The following IL1RAPL2 variants were observed in gnomAD, a reference collection of about 807,000 sequenced individuals.
The protein encoded by IL1RAPL2 is X-linked interleukin-1 receptor accessory protein-like 2.
In IL1RAPL2, 3 loss-of-function variants were observed where a neutral mutation model predicts 44.1. The observed-to-expected ratio is 0.07, with a 90% CI of 0.03 to 0.18. IL1RAPL2 has a LOEUF of 0.18. Ranked by LOEUF, IL1RAPL2 falls within the 10% of genes least tolerant of loss-of-function variation. IL1RAPL2 has a pLI of 1.00. For missense variants in IL1RAPL2, 391 were observed against 496.4 expected (o/e 0.79, Z 2.02); for synonymous variants, 181 against 178.8 (o/e 1.01, Z -0.10).
chrX:104,715,526 T>C (rs1336287041), intron 2 of IL1RAPL2, among the ~76,000 whole-genome samples: 7 of 108,804 alleles, frequency 6.4e-5, no homozygotes, highest in African/African-American at 2.0e-4. Flanking sequence ...TGTCTTCTGA[T>C]AGTTTGTCTT....
chrX:105,197,045 C>G (rs782201046), intron 3 of IL1RAPL2, among the ~76,000 whole-genome samples: 3 of 111,316 alleles, frequency 2.7e-5, no homozygotes, highest in East Asian at 5.6e-4. Flanking sequence ...AAATAGAGAG[C>G]CTTCTGGATG....
intron 2 of IL1RAPL2, among the ~76,000 whole-genome samples, chrX:105,033,217 A>G (rs931665080): frequency 1.1e-4 from 12 of 111,564 alleles, no homozygotes; most frequent in Non-Finnish European, 1.9e-4. Flanking sequence ...CATTTAGCCC[A>G]TTTACCTTTA....
intron 2 of IL1RAPL2, among the ~76,000 whole-genome samples, chrX:104,981,797 C>T (rs1380364975): frequency 2.7e-5 from 3 of 111,066 alleles, no homozygotes; most frequent in African/African-American, 9.8e-5. Flanking sequence ...AGGATGTTGG[C>T]TTTTATTGAA....
chrX:105,162,114 A>AT (rs1224925113), intron 2 of IL1RAPL2, among the ~76,000 whole-genome samples: 1 of 112,329 alleles, frequency 8.9e-6, no homozygotes, highest in African/African-American at 3.2e-5. Flanking sequence ...CTTACGCTAC[A>AT]ATGGCAAGAG....
intron 2 of IL1RAPL2, among the ~76,000 whole-genome samples, chrX:104,857,976 C>T (rs1463599986): frequency 9.0e-6 from 1 of 111,401 alleles, no homozygotes; most frequent in Non-Finnish European, 1.9e-5. Context: ...AATACCCTCA[C>T]CTTGATATTG....
At chrX:104,989,770 A>G (rs2030627749) in intron 2 of IL1RAPL2, among the ~76,000 whole-genome samples, 1 of 111,487 alleles carries the variant, frequency 9.0e-6, no homozygotes, top group Non-Finnish European at 1.9e-5. Context: ...TATTTCCCAA[A>G]CCATTTCAGA....
chrX:104,753,832 A>C (rs1283527720), intron 2 of IL1RAPL2, among the ~76,000 whole-genome samples: 2 of 111,762 alleles, frequency 1.8e-5, no homozygotes, highest in Non-Finnish European at 1.9e-5. Flanking sequence ...TTTCATATGC[A>C]TATATATGCA....
At chrX:104,585,240 AATATATG>A (rs1242961644) in intron 1 of IL1RAPL2, among the ~76,000 whole-genome samples, 1 of 44,004 alleles carries the variant, frequency 2.3e-5, no homozygotes, top group Non-Finnish European at 3.6e-5. Context: ...GTATATATAT[AATATATG>A]ATATATAATA....
intron 4 of IL1RAPL2, among the ~76,000 whole-genome samples, chrX:105,247,985 C>T (rs193262280): frequency 3.6e-5 from 4 of 111,166 alleles, no homozygotes. Flanking sequence ...TTCCCCATCA[C>T]ACACAACCGT....
At chrX:105,541,443 G>A (rs891355328) in intron 6 of IL1RAPL2, among the ~76,000 whole-genome samples, 3 of 111,413 alleles carry the variant, frequency 2.7e-5, no homozygotes, top group African/African-American at 9.8e-5. Context: ...AGTACAGATT[G>A]TCTTTGAAGA....
chrX:105,005,374 C>T (rs2030923555), intron 2 of IL1RAPL2, among the ~76,000 whole-genome samples: 1 of 111,343 alleles, frequency 9.0e-6, no homozygotes, highest in South Asian at 3.7e-4. Flanking sequence ...ATAGATATAT[C>T]TATGCACCAT....
intron 5 of IL1RAPL2, among the ~76,000 whole-genome samples, chrX:105,334,570 A>G (rs945174590): frequency 5.4e-5 from 6 of 112,126 alleles, no homozygotes; most frequent in Non-Finnish European, 9.4e-5. Flanking sequence ...CCCATGCTCC[A>G]TGATGTGATT....
intron 2 of IL1RAPL2, among the ~76,000 whole-genome samples, chrX:105,009,692 A>G (rs1232466362): frequency 9.1e-6 from 1 of 109,623 alleles, no homozygotes; most frequent in Admixed American, 9.7e-5. Flanking sequence ...TGGCACATGT[A>G]TACATATGTA....
intron 3 of IL1RAPL2, among the ~76,000 whole-genome samples, chrX:105,206,704 G>A (rs1212652769): frequency 1.8e-5 from 2 of 111,967 alleles, no homozygotes; most frequent in Non-Finnish European, 3.8e-5. Flanking sequence ...GAAAAGTGAT[G>A]ATTAAGTTAA....
At chrX:105,580,498 A>C (rs1337762081) in intron 6 of IL1RAPL2, among the ~76,000 whole-genome samples, 1 of 109,935 alleles carries the variant, frequency 9.1e-6, no homozygotes, top group Non-Finnish European at 1.9e-5. Flanking sequence ...ACCTTGACTC[A>C]CTTATCAACC....
chrX:105,583,429 C>T (rs930905893), intron 6 of IL1RAPL2, among the ~76,000 whole-genome samples: 4 of 111,691 alleles, frequency 3.6e-5, no homozygotes, highest in African/African-American at 9.7e-5. Flanking sequence ...CTACGGCGCC[C>T]GGCCAAGAAT....
intron 4 of IL1RAPL2, among the ~76,000 whole-genome samples, chrX:105,257,871 C>T (rs948884466): frequency 1.8e-5 from 2 of 111,423 alleles, no homozygotes; most frequent in Non-Finnish European, 3.8e-5. Context: ...TTGGGTCTTG[C>T]GTTTTTATCC....
intron 2 of IL1RAPL2, among the ~76,000 whole-genome samples, chrX:104,897,634 T>C (rs1231437357): frequency 8.9e-6 from 1 of 112,398 alleles, no homozygotes; most frequent in Non-Finnish European, 1.9e-5. Context: ...AGCAGGATGC[T>C]TCTTATGTTT....
At position 105,245,335 on chromosome X, in the gene IL1RAPL2, A is replaced by G. The variant is rs2034209631; in HGVS notation, c.543+11331A>G. Among the ~76,000 whole-genome samples, 3 of 111,775 alleles carry G rather than the reference A, an allele frequency of 2.7e-5. No individual in the cohort carries two copies. The Admixed American group carries it at 2.9e-4, about 11-fold the overall frequency. ...CTATGGTAGGCCTTTAAGGACTATCATTCTGTGCCTGCACGTAATCACAGC... is the reference window on the plus strand; with the variant it reads ...CTATGGTAGGCCTTTAAGGACTATCGTTCTGTGCCTGCACGTAATCACAGC... On this transcript the variant is annotated intron_variant, in intron 4 of 10. Transcript: ENST00000372582.
Sources: gnomAD v4.1 joint callset for allele counts (sites outside exome capture counted in the v4.1 genomes callset) on GRCh38, gnomAD v4.1.1 for gene constraint, MANE v1.5 for transcripts, NCBI Gene and HGNC (gene_info 2026-07-23, HGNC 2026-07-21) for gene names.